Variants in LCORL observed in about 807,000 individuals in gnomAD.
The protein encoded by LCORL is ligand dependent nuclear receptor corepressor like, also known as ligand-dependent nuclear receptor corepressor-like protein.
A neutral mutation model predicts 141.8 loss-of-function variants in LCORL; 41 were observed. That is an observed-to-expected ratio of 0.29 (90% CI 0.23 to 0.38). The LOEUF (loss-of-function observed/expected upper bound fraction) is 0.38, where lower values mean the gene tolerates loss of function less well. Among genes scored for constraint, LCORL ranks in the 10% least tolerant of loss-of-function variants. The pLI is 1.00. For synonymous variants in LCORL, 618 were observed against 694.1 expected (o/e 0.89, Z 1.72); for missense variants, 1,759 against 2,035.0 (o/e 0.86, Z 2.61).
At chr4:17,893,376 GAATTT>G (rs1240558153) in intron 5 of LCORL, 8 of 961,194 alleles carry the variant, frequency 8.3e-6, no homozygotes, top group Non-Finnish European at 9.9e-6. Context: ...CTAAGTAAAT[GAATTT>G]AAGTATTAAA....
At chr4:17,985,368 T>A (rs1718779281) in intron 1 of LCORL, among the ~76,000 whole-genome samples, 1 of 152,190 alleles carries the variant, frequency 6.6e-6, no homozygotes, top group African/African-American at 2.4e-5. Context: ...AGGGGAGTGC[T>A]GAAGTCTCCC....
rs116412454 is a variant in LCORL, at chr4:17,846,546, C to T, written c.5603-645G>A. 2.6e-3 allele frequency among the ~76,000 whole-genome samples: 393 copies of T among 152,202 alleles called. 1 individual carries two copies. Among genetic ancestry groups the T allele is most frequent in the African/African-American group, 8.4e-3 (347 of 41,534 alleles). ...ATGGCCAGCTCATCAGAGGAGCATG[C>T]GGCATCCACAGGATACTCTGGTTGT... On this transcript the variant is annotated intron_variant, in intron 7 of 7. Coordinates refer to ENST00000635767, the Ensembl canonical transcript of LCORL.
At position 17,845,700 on chromosome 4, in the gene LCORL, T is replaced by C. The variant is rs76871419; in HGVS notation, c.*188A>G. Reference sequence around the variant, plus strand: ...GGAATACTGACATACAAAATAAAGATAGTGCAAGAAGAACTGCAATCTATT... The same window carrying C: ...GGAATACTGACATACAAAATAAAGACAGTGCAAGAAGAACTGCAATCTATT... On this transcript the variant is annotated 3_prime_UTR_variant, in exon 8 of 8. Coordinates refer to ENST00000635767, the Ensembl canonical transcript of LCORL. 1.0e-3 allele frequency: 1,575 copies of C among 1,567,888 alleles called. 17 individuals are homozygous for C. In the East Asian group the frequency reaches 0.021, roughly 21 times the overall value.
At chr4:17,859,420 T>C (rs1724741870) in intron 7 of LCORL, among the ~76,000 whole-genome samples, 1 of 152,120 alleles carries the variant, frequency 6.6e-6, no homozygotes, top group South Asian at 2.1e-4. Flanking sequence ...AGGAAAAATA[T>C]ATTTTTAAAA....
intron 6 of LCORL, chr4:17,881,981 A>T: frequency 4.3e-5 from 8 of 184,618 alleles, no homozygotes; most frequent in Non-Finnish European, 6.6e-5. Context: ...TCTTGGGGTG[A>T]AAAAAAAAAA....
chr4:17,932,340 C>T (rs1281963448), intron 4 of LCORL, among the ~76,000 whole-genome samples: 3 of 151,990 alleles, frequency 2.0e-5, no homozygotes, highest in Non-Finnish European at 2.9e-5. Context: ...ATTTTCTTTG[C>T]TTTGTAAAAT....
chr4:17,890,958 T>C (rs976338068), intron 5 of LCORL, among the ~76,000 whole-genome samples: 15 of 152,134 alleles, frequency 9.9e-5, no homozygotes, highest in African/African-American at 3.6e-4. Context: ...AGAATTGTTT[T>C]CCACCCCTCC....
chr4:17,933,182 T>C (rs969127364), intron 4 of LCORL, among the ~76,000 whole-genome samples: 1 of 152,130 alleles, frequency 6.6e-6, no homozygotes, highest in Non-Finnish European at 1.5e-5. Context: ...AGGTATGTAG[T>C]GAGCTATGTA....
intron 4 of LCORL, among the ~76,000 whole-genome samples, 180 bp downstream of exon 4, chr4:17,961,723 G>T (rs1435931558): frequency 2.0e-5 from 3 of 151,850 alleles, no homozygotes; most frequent in Non-Finnish European, 4.4e-5. Flanking sequence ...CCTAATACAA[G>T]ACTAGTACTA....
At chr4:17,933,489 AT>A (rs1736379838) in intron 4 of LCORL, among the ~76,000 whole-genome samples, 1 of 151,978 alleles carries the variant, frequency 6.6e-6, no homozygotes. Flanking sequence ...TTCTAAGCAG[AT>A]TTTTTTCTAA....
chr4:17,988,210 T>C lies in LCORL; in HGVS notation c.155-15325A>G, dbSNP rs140251921. ...CGTGATTGTGAGGCCTCCCCAGCCA[T>C]GTGGAACTGTAAGTCCAGTAAGCCT... is the stretch of plus-strand genomic sequence containing the variant. On this transcript the variant is annotated intron_variant, in intron 1 of 7. Coordinates refer to ENST00000635767, the Ensembl canonical transcript of LCORL. 2.3e-3 allele frequency among the ~76,000 whole-genome samples: 346 copies of C among 152,338 alleles called. 2 individuals are homozygous for C. Among genetic ancestry groups the C allele is most frequent in the African/African-American group, 7.0e-3 (291 of 41,580 alleles).
chr4:18,014,013 G>A (rs949234613), intron 1 of LCORL, among the ~76,000 whole-genome samples: 7 of 152,014 alleles, frequency 4.6e-5, no homozygotes, highest in African/African-American at 1.7e-4. Flanking sequence ...GTGTCATCTT[G>A]GCAAGGCTGG....
chr4:17,885,496 C>CA (rs1728145385), intron 6 of LCORL, among the ~76,000 whole-genome samples: 1 of 150,296 alleles, frequency 6.7e-6, no homozygotes. Context: ...TGGGAAGATG[C>CA]AAAAAAGTTG....
intron 4 of LCORL, among the ~76,000 whole-genome samples, chr4:17,952,442 G>T (rs1323251535): frequency 6.7e-6 from 1 of 148,492 alleles, no homozygotes; most frequent in Admixed American, 6.6e-5. Flanking sequence ...TTGAGATGGG[G>T]ACTTGTTCTG....
chr4:17,995,425 A>T (rs894458148), intron 1 of LCORL, among the ~76,000 whole-genome samples: 1 of 152,126 alleles, frequency 6.6e-6, no homozygotes, highest in Non-Finnish European at 1.5e-5. Context: ...AACAATTCAC[A>T]ATAAAAGAGA....
chr4:17,990,702 A>C (rs1719853614), intron 1 of LCORL, among the ~76,000 whole-genome samples: 1 of 148,768 alleles, frequency 6.7e-6, no homozygotes, highest in Admixed American at 6.7e-5. Flanking sequence ...ACAGGTAAGC[A>C]GGTCTCAGCC....
At chr4:17,927,585 C>T (rs1735350951) in intron 4 of LCORL, among the ~76,000 whole-genome samples, 4 of 152,132 alleles carry the variant, frequency 2.6e-5, no homozygotes, top group African/African-American at 9.7e-5. Context: ...CTCTTCCTCT[C>T]ACTTAAATAC....
intron 7 of LCORL, among the ~76,000 whole-genome samples, chr4:17,866,753 A>G (rs1488394852): frequency 6.6e-6 from 1 of 152,234 alleles, no homozygotes; most frequent in East Asian, 1.9e-4. Flanking sequence ...CGATAATCAC[A>G]GAATGCTCAG....
intron 7 of LCORL, among the ~76,000 whole-genome samples, chr4:17,861,076 G>A (rs532855143): frequency 6.6e-6 from 1 of 152,298 alleles, no homozygotes; most frequent in African/African-American, 2.4e-5. Context: ...CCATTCTGGG[G>A]TCTGGAGGAC....
Sources: gnomAD v4.1 joint callset for allele counts (sites outside exome capture counted in the v4.1 genomes callset) on GRCh38, gnomAD v4.1.1 for gene constraint, MANE v1.5 for transcripts, NCBI Gene and HGNC (gene_info 2026-07-23, HGNC 2026-07-21) for gene names.